ADCY2: variants seen among roughly 807,000 people sequenced by gnomAD.
ADCY2 encodes the protein adenylate cyclase type 2.
Under a neutral mutation model 125.2 loss-of-function variants are expected in ADCY2, and 31 were observed. That is an observed-to-expected ratio of 0.25 (90% CI 0.19 to 0.33). ADCY2 has a LOEUF of 0.33. ADCY2 is among the 10% of genes least tolerant of loss of function. ADCY2 has a pLI of 1.00. For missense variants in ADCY2, 904 were observed against 1,418.2 expected (o/e 0.64, Z 5.82); for synonymous variants, 512 against 548.4 (o/e 0.93, Z 0.93).
intron 3 of ADCY2, among the ~76,000 whole-genome samples, chr5:7,545,739 G>T (rs1194019773): frequency 1.3e-5 from 2 of 152,266 alleles, no homozygotes; most frequent in Admixed American, 6.5e-5. Flanking sequence ...TCAGCATGCG[G>T]TCGGTGGGTT....
chr5:7,607,353 G>C (rs766030785), intron 3 of ADCY2, among the ~76,000 whole-genome samples: 17 of 152,150 alleles, frequency 1.1e-4, no homozygotes, highest in Non-Finnish European at 2.1e-4. Context: ...AAGAATTCAC[G>C]TTTAGTCATC....
chr5:7,696,957 A>G (rs1579326664), intron 6 of ADCY2, among the ~76,000 whole-genome samples: 1 of 152,196 alleles, frequency 6.6e-6, no homozygotes, highest in South Asian at 2.1e-4. Flanking sequence ...ATGATGCCTT[A>G]AAAGTTTGAA....
rs13353902 is a variant in ADCY2 at position 7,472,274 on chromosome 5, C to T, written c.409-48464C>T. ...ATTTGATTAGCCTATTTTGATTTCA[C>T]TGATTCGTATCTAAACTTTCTTGAA... On this transcript the variant is annotated intron_variant, in intron 2 of 24. Transcript: ENST00000338316. Among the ~76,000 whole-genome samples, 883 of 152,232 alleles carry T rather than the reference C, an allele frequency of 5.8e-3. 7 individuals are homozygous for T. The highest frequency in any genetic ancestry group is 0.019 in the African/African-American group (798 of 41,562).
intron 3 of ADCY2, among the ~76,000 whole-genome samples, chr5:7,572,788 C>T (rs1263686756): frequency 6.6e-6 from 1 of 152,142 alleles, no homozygotes; most frequent in African/African-American, 2.4e-5. Context: ...AGTCTTTATT[C>T]CATCTTGAGT....
intron 16 of ADCY2, among the ~76,000 whole-genome samples, chr5:7,764,868 T>TA (rs1743332851): frequency 6.6e-6 from 1 of 152,214 alleles, no homozygotes; most frequent in African/African-American, 2.4e-5. Context: ...ATGAGTTTGT[T>TA]ACTTTAAAAT....
intron 20 of ADCY2, among the ~76,000 whole-genome samples, chr5:7,792,878 G>A (rs572546382): frequency 2.6e-5 from 4 of 152,330 alleles, no homozygotes; most frequent in African/African-American, 9.6e-5. Context: ...CAGGCTGAGG[G>A]ACATCTGCAT....
chr5:7,651,373 G>C (rs1739084160), intron 4 of ADCY2, among the ~76,000 whole-genome samples: 1 of 152,130 alleles, frequency 6.6e-6, no homozygotes. Flanking sequence ...TGAAAACTGA[G>C]GATCCAGGAA....
chr5:7,769,948 C>T (rs185070737), intron 17 of ADCY2, among the ~76,000 whole-genome samples: 10 of 152,326 alleles, frequency 6.6e-5, no homozygotes, highest in South Asian at 2.1e-4. Flanking sequence ...TTGCCAGAAT[C>T]GCTGACTATC....
intron 2 of ADCY2, among the ~76,000 whole-genome samples, chr5:7,462,058 G>C (rs1438967641): frequency 6.6e-6 from 1 of 152,152 alleles, no homozygotes; most frequent in Non-Finnish European, 1.5e-5. Context: ...CTGTCTGTCG[G>C]TTTATGGTGT....
At chr5:7,651,208 T>C (rs1449784967) in intron 4 of ADCY2, among the ~76,000 whole-genome samples, 1 of 152,208 alleles carries the variant, frequency 6.6e-6, no homozygotes. Flanking sequence ...ATTTGTTTGA[T>C]GGCCAATTCT....
chr5:7,766,498 T>G (rs1743383618), intron 16 of ADCY2, among the ~76,000 whole-genome samples, 189 bp from the exon 17 acceptor site: 1 of 152,228 alleles, frequency 6.6e-6, no homozygotes, highest in Admixed American at 6.5e-5. Context: ...ATTTTGAAGT[T>G]CTGGAATTCT....
At position 7,482,767 on chromosome 5, in the gene ADCY2, G is replaced by GATATATATATATATATAT. The variant is rs140354609; in HGVS notation, c.409-37963_409-37946dup. Among the ~76,000 whole-genome samples, 381 of 118,840 alleles carry GATATATATATATATATAT rather than the reference G, an allele frequency of 3.2e-3. 3 individuals carry two copies. The highest frequency in any genetic ancestry group is 8.2e-3 in the Admixed American group (86 of 10,452). 78.0% of individuals were successfully genotyped at this position (118,840 alleles called of 152,430 possible). ...GCTGATGAATGGATAAAGAAAATGTGATATATATATATATATATATATATA... is the reference window on the plus strand; with the variant it reads ...GCTGATGAATGGATAAAGAAAATGTGATATATATATATATATATATATATATATATATATATATATATA... On this transcript the variant is annotated intron_variant, in intron 2 of 24. Transcript: ENST00000338316.
intron 3 of ADCY2, among the ~76,000 whole-genome samples, chr5:7,541,301 C>T (rs1176999277): frequency 6.6e-6 from 1 of 152,136 alleles, no homozygotes; most frequent in Admixed American, 6.5e-5. Context: ...GAGAAGTGCC[C>T]AAATCAGCAG....
chr5:7,756,797 G>A (rs1743005825), intron 15 of ADCY2, among the ~76,000 whole-genome samples: 1 of 152,150 alleles, frequency 6.6e-6, no homozygotes, highest in Non-Finnish European at 1.5e-5. Context: ...CTGTACACTT[G>A]AAAATGGTTT....
In ADCY2 at chr5:7,709,467, C is replaced by CA; in HGVS notation, c.1578+84dup. 7.1e-7 allele frequency: 1 copy of CA among 1,410,414 alleles called. No individual in the cohort carries two copies. The highest frequency in any genetic ancestry group is 9.4e-7 in the Non-Finnish European group (1 of 1,066,934). The allele number at this position is 1,410,414 out of a possible 1,614,324, so 87.4% of individuals were successfully genotyped here. On this transcript the variant is annotated intron_variant, in intron 10 of 24. Transcript: ENST00000338316. This position sits in a 1 kb window ranked among gnomAD's most constrained non-coding sequence, Gnocchi z 4.4. ...AAACCAAAGGCTGGGCATCTCCTGC[C>CA]AAAATAACTCCTTTCTGTAAGAAAC...
At chr5:7,677,984 C>T (rs1256418654) in intron 4 of ADCY2, among the ~76,000 whole-genome samples, 1 of 152,154 alleles carries the variant, frequency 6.6e-6, no homozygotes, top group East Asian at 1.9e-4. Context: ...CAATTTAGTA[C>T]TCTTAAGCAT....
intron 22 of ADCY2, among the ~76,000 whole-genome samples, chr5:7,814,069 G>A (rs534361922): frequency 3.1e-4 from 47 of 152,082 alleles, no homozygotes; most frequent in African/African-American, 1.0e-3. Context: ...ACTAACTGTT[G>A]TTAAGAAATG....
chr5:7,679,886 A>G (rs918963137), intron 4 of ADCY2, among the ~76,000 whole-genome samples: 3 of 152,126 alleles, frequency 2.0e-5, no homozygotes, highest in Non-Finnish European at 4.4e-5. Context: ...CGTCTCACCC[A>G]GAATAGAGAT....
intron 8 of ADCY2, 93 bp downstream of exon 8, chr5:7,706,995 TCA>T (rs1741286323): frequency 2.7e-6 from 4 of 1,487,462 alleles, no homozygotes. Context: ...CAGTTTTTGA[TCA>T]CTTCTGTTGC....
Sources: gnomAD v4.1 joint callset for allele counts (sites outside exome capture counted in the v4.1 genomes callset) on GRCh38, gnomAD v4.1.1 for gene constraint, Gnocchi (gnomAD v3.1) non-coding constraint, MANE v1.5 for transcripts, NCBI Gene and HGNC (gene_info 2026-07-23, HGNC 2026-07-21) for gene names.